The following SLC44A1 variants were observed in gnomAD, a reference collection of about 807,000 sequenced individuals.
The protein encoded by SLC44A1 is solute carrier family 44 member 1, also known as choline transporter-like protein 1.
SLC44A1 carries 26 observed loss-of-function variants against 79.3 expected under a neutral mutation model. The ratio of observed to expected loss-of-function variants is 0.33; its 90% CI spans 0.24 to 0.46. The LOEUF is 0.46. Among genes scored for constraint, SLC44A1 ranks in the 20% least tolerant of loss-of-function variants. SLC44A1 has a pLI of 1.00. For synonymous variants in SLC44A1, 263 were observed against 286.2 expected, an observed-to-expected ratio of 0.92 and a Z score of 0.82; for missense variants, 688 against 798.1, an observed-to-expected ratio of 0.86 and a Z score of 1.66.
rs73508598 is a variant in SLC44A1, at chr9:105,246,828, T to C, written c.36+1924T>C. On this transcript the variant is annotated intron_variant, in intron 1 of 15. Transcript: ENST00000374720. The stretch of plus-strand genomic sequence containing the variant: ...CATCAGAACTCTGCTTTAAAACCGA[T>C]AGTGGGTCTTGCATTTGTCTAGCTC... Among the ~76,000 whole-genome samples, 60 of 152,368 alleles carry C rather than the reference T, an allele frequency of 3.9e-4. 1 individual carries two copies. The South Asian group carries it at 6.4e-3, about 16-fold the overall frequency.
At chr9:105,416,492 T>C (rs959018932) in intron 15 of SLC44A1, among the ~76,000 whole-genome samples, 3 of 152,048 alleles carry the variant, frequency 2.0e-5, no homozygotes, top group South Asian at 4.2e-4. Flanking sequence ...ATTCATTCCA[T>C]TGGGGTGGGT....
At chr9:105,335,779 A>C in intron 4 of SLC44A1, 80 bp downstream of exon 4, 1 of 1,323,906 alleles carries the variant, frequency 7.6e-7, no homozygotes, top group East Asian at 2.5e-5. Flanking sequence ...AGTGTTAAAT[A>C]AATTATCAAG....
chr9:105,388,954 G>GTATA, intron 15 of SLC44A1, 79 bp from the exon 16 acceptor site: 1 of 1,066,156 alleles, frequency 9.4e-7, no homozygotes. Flanking sequence ...GTGACCATGT[G>GTATA]TATATTTGTA....
At chr9:105,288,400 G>T (rs1301815548) in intron 1 of SLC44A1, among the ~76,000 whole-genome samples, 1 of 152,122 alleles carries the variant, frequency 6.6e-6, no homozygotes, top group African/African-American at 2.4e-5. Flanking sequence ...CCTGGCCGGG[G>T]TGCGGTGGCA....
chr9:105,330,468 A>G (rs1826715150), intron 3 of SLC44A1, among the ~76,000 whole-genome samples: 1 of 152,208 alleles, frequency 6.6e-6, no homozygotes, highest in African/African-American at 2.4e-5. Flanking sequence ...TCAGTAAAGA[A>G]AGTAAAAGCA....
In SLC44A1 at chr9:105,395,837, T is replaced by C; in HGVS notation, c.*6781T>C. The C allele has an allele frequency of 4.1e-6, 4 of 984,338 alleles. No individual in the cohort carries two copies. Among genetic ancestry groups the C allele is most frequent in the Non-Finnish European group, 4.8e-6 (4 of 829,334 alleles). The allele number at this position is 984,338 out of a possible 1,614,324, so 61.0% of individuals were successfully genotyped here. A position where few individuals can be genotyped will look rare whatever the true frequency, so the allele number is the denominator to read the frequency against. On this transcript the variant is annotated 3_prime_UTR_variant, in exon 16 of 16. Transcript: ENST00000374720. The stretch of plus-strand genomic sequence containing the variant: ...ATAGAATGGGTTCCATGGATCATTC[T>C]AGTTGCCACTAGAAAATGTGAGCTC...
At chr9:105,247,157 G>T (rs1490038807) in intron 1 of SLC44A1, among the ~76,000 whole-genome samples, 1 of 151,824 alleles carries the variant, frequency 6.6e-6, no homozygotes, top group Non-Finnish European at 1.5e-5. Flanking sequence ...TTACTAATCG[G>T]CTGGTATTTT....
At position 105,397,094 on chromosome 9, in the gene SLC44A1, T is replaced by C; in HGVS notation, c.*8038T>C. 1 of 985,454 alleles carries C rather than the reference T, an allele frequency of 1.0e-6. No individual in the cohort carries two copies. Among genetic ancestry groups the C allele is most frequent in the Non-Finnish European group, 1.2e-6 (1 of 829,938 alleles). The allele number at this position is 985,454 out of a possible 1,614,324, so 61.0% of individuals were successfully genotyped here. On this transcript the variant is annotated 3_prime_UTR_variant, in exon 16 of 16. Coordinates refer to ENST00000374720, the MANE Select transcript of SLC44A1 (RefSeq NM_080546.5). ...TGGAGTTGGAGTTATCAAATCTTGCTGGGAAATTAACTTCCAAGAGCTCTG... is the reference window on the plus strand; with the variant it reads ...TGGAGTTGGAGTTATCAAATCTTGCCGGGAAATTAACTTCCAAGAGCTCTG...
chr9:105,267,894 A>G (rs1829996594), intron 1 of SLC44A1, among the ~76,000 whole-genome samples: 1 of 152,036 alleles, frequency 6.6e-6, no homozygotes, highest in Non-Finnish European at 1.5e-5. Context: ...TCTTCGGGAA[A>G]CACTAAGTGT....
chr9:105,434,474 G>A (rs1829438378), intron 15 of SLC44A1, among the ~76,000 whole-genome samples: 1 of 152,204 alleles, frequency 6.6e-6, no homozygotes, highest in Non-Finnish European at 1.5e-5. Flanking sequence ...TTAGAAAGTA[G>A]GGCAAAAATA....
chr9:105,257,191 G>C (rs1048258208), intron 1 of SLC44A1, among the ~76,000 whole-genome samples: 2 of 151,450 alleles, frequency 1.3e-5, no homozygotes, highest in African/African-American at 4.9e-5. Context: ...CCGCATCCCG[G>C]GTTCAAGCGA....
Position 105,390,160 on chromosome 9 carries a change from T to G in SLC44A1, c.*1104T>G. On this transcript the variant is annotated 3_prime_UTR_variant, in exon 16 of 16. Coordinates refer to ENST00000374720, the MANE Select transcript of SLC44A1 (RefSeq NM_080546.5). ...TGTTTTGATCCTCCAGTGTGACTGTTGTTTTTGTTTGGGGGTGGGTTTGGG... is the reference window on the plus strand; with the variant it reads ...TGTTTTGATCCTCCAGTGTGACTGTGGTTTTTGTTTGGGGGTGGGTTTGGG... 8.3e-7 allele frequency: 1 copy of G among 1,209,232 alleles called. No individual in the cohort carries two copies. Among genetic ancestry groups the G allele is most frequent in the Admixed American group, 4.3e-5 (1 of 23,234 alleles). 74.9% of individuals were successfully genotyped at this position (1,209,232 alleles called of 1,614,324 possible). A position where few individuals can be genotyped will look rare whatever the true frequency, so the allele number is the denominator to read the frequency against.
intron 3 of SLC44A1, among the ~76,000 whole-genome samples, chr9:105,325,557 G>C (rs758308766): frequency 6.6e-6 from 1 of 152,090 alleles, no homozygotes; most frequent in Non-Finnish European, 1.5e-5. Context: ...CATGATGAGG[G>C]GTCGAGTGTG....
intron 1 of SLC44A1, among the ~76,000 whole-genome samples, chr9:105,264,941 C>T (rs1333302282): frequency 5.9e-5 from 9 of 152,022 alleles, no homozygotes; most frequent in African/African-American, 1.9e-4. Flanking sequence ...GGATTACAGG[C>T]ATGCGCCACC....
At chr9:105,334,541 A>G (rs145693855) in intron 3 of SLC44A1, among the ~76,000 whole-genome samples, 1 of 152,172 alleles carries the variant, frequency 6.6e-6, no homozygotes, top group Non-Finnish European at 1.5e-5. Flanking sequence ...CTATTGACAG[A>G]TGCATGATTT....
At chr9:105,419,892 C>T (rs1829221960) in intron 15 of SLC44A1, among the ~76,000 whole-genome samples, 1 of 142,302 alleles carries the variant, frequency 7.0e-6, no homozygotes, top group Admixed American at 7.1e-5. Context: ...CCAGCCTGGG[C>T]CATAATAGTG....
At chr9:105,271,352 A>G (rs16924395) in intron 1 of SLC44A1, among the ~76,000 whole-genome samples, 3,415 of 152,176 alleles carry the variant, frequency 0.022, 118 homozygotes, top group African/African-American at 0.077. Flanking sequence ...TTCCTCTCCT[A>G]TGTTCCCTTG....
At chr9:105,397,941 C>T (rs1176722743), downstream of SLC44A1, among the ~76,000 whole-genome samples, 3 of 151,128 alleles carry the variant, frequency 2.0e-5, no homozygotes, top group Non-Finnish European at 2.9e-5. Context: ...TAGCGAGACT[C>T]GGTCTCAGAA....
chr9:105,244,966 C>A, intron 1 of SLC44A1, 62 bp downstream of exon 1: 1 of 802,998 alleles, frequency 1.2e-6, no homozygotes, highest in Non-Finnish European at 1.6e-6. Context: ...CGTCGCGCGG[C>A]GGGCGCCCGC....
Sources: allele counts gnomAD v4.1 joint callset (sites outside exome capture counted in the v4.1 genomes callset), GRCh38; gene constraint gnomAD v4.1.1; transcripts MANE v1.5; gene names NCBI Gene and HGNC (gene_info 2026-07-23, HGNC 2026-07-21).